Variants in KIF26B observed in about 807,000 individuals in gnomAD.
The protein encoded by KIF26B is kinesin-like protein KIF26B.
KIF26B carries 63 observed loss-of-function variants against 151.2 expected under a neutral mutation model. The ratio of observed to expected loss-of-function variants is 0.42; its 90% CI spans 0.34 to 0.51. The LOEUF (loss-of-function observed/expected upper bound fraction) is 0.51. Ranked by LOEUF, KIF26B falls within the 20% of genes least tolerant of loss-of-function variation. The pLI is 0.07. For missense variants in KIF26B, 2,813 were observed against 2,913.6 expected (o/e 0.97, Z 0.79); for synonymous variants, 1,357 against 1,262.1 (o/e 1.08, Z -1.59).
Position 245,440,188 on chromosome 1 carries a change from A to T in KIF26B, c.1166+20443A>T, listed in dbSNP as rs528514722. 1.3e-3 allele frequency among the ~76,000 whole-genome samples: 202 copies of T among 151,994 alleles called. 1 individual carries two copies. The highest frequency in any genetic ancestry group is 3.4e-3 in the Middle Eastern group (1 of 294). On this transcript the variant is annotated intron_variant, in intron 4 of 14. Coordinates refer to ENST00000407071, the MANE Select transcript of KIF26B (RefSeq NM_018012.4). ...GTGAGCCGAGATCGTGCCACTGCAC[A>T]CCAGCCTGGGCGACAGAGCCAGACT...
chr1:245,190,639 GTT>G (rs56019423), intron 2 of KIF26B, among the ~76,000 whole-genome samples: 1 of 140,118 alleles, frequency 7.1e-6, no homozygotes. Flanking sequence ...GTTTTGTTTT[GTT>G]TTTTTTTTTT....
chr1:245,459,311 C>G (rs1659601203), intron 4 of KIF26B, among the ~76,000 whole-genome samples: 2 of 152,216 alleles, frequency 1.3e-5, no homozygotes, highest in South Asian at 4.1e-4. Context: ...ACTACTGTTT[C>G]TGGTAGGTCC....
At chr1:245,215,432 G>C (rs912977792) in intron 2 of KIF26B, among the ~76,000 whole-genome samples, 2 of 152,108 alleles carry the variant, frequency 1.3e-5, no homozygotes, top group East Asian at 1.9e-4. Context: ...CTGAGACCAG[G>C]GAGGCCACAG....
intron 9 of KIF26B, among the ~76,000 whole-genome samples, chr1:245,627,328 T>C (rs2043734023): frequency 6.6e-6 from 1 of 152,186 alleles, no homozygotes; most frequent in South Asian, 2.1e-4. Flanking sequence ...CAATGTTAAC[T>C]TGAACTCAGG....
At chr1:245,402,340 T>G (rs924445590) in intron 3 of KIF26B, among the ~76,000 whole-genome samples, 1 of 152,228 alleles carries the variant, frequency 6.6e-6, no homozygotes, top group Non-Finnish European at 1.5e-5. Flanking sequence ...TGCCTTCATC[T>G]GAGTCCCTCC....
chr1:245,375,108 A>G lies in KIF26B; in HGVS notation c.999+7741A>G, dbSNP rs1384113135. Among the ~76,000 whole-genome samples, 5 of 151,994 alleles carry G rather than the reference A, an allele frequency of 3.3e-5. No individual in the cohort carries two copies. Among genetic ancestry groups the G allele is most frequent in the Non-Finnish European group, 5.9e-5 (4 of 68,008 alleles). On this transcript the variant is annotated intron_variant, in intron 3 of 14. Coordinates refer to ENST00000407071, the MANE Select transcript of KIF26B (RefSeq NM_018012.4). The surrounding 1 kb of genome is among the most constrained non-coding windows in gnomAD (Gnocchi z 4.2). ...TTTAATTTTATTATTATTTTTTGAG[A>G]CGGCGTCTCACTCTGCCACCCAGGC... is the stretch of plus-strand genomic sequence containing the variant.
intron 2 of KIF26B, among the ~76,000 whole-genome samples, chr1:245,357,230 A>C (rs1042802155): frequency 6.6e-6 from 1 of 152,206 alleles, no homozygotes; most frequent in Admixed American, 6.5e-5. Flanking sequence ...CAGATTTAAG[A>C]TTGAAAAGGA....
At chr1:245,164,021 G>A (rs1668574475) in intron 2 of KIF26B, among the ~76,000 whole-genome samples, 1 of 152,070 alleles carries the variant, frequency 6.6e-6, no homozygotes, top group African/African-American at 2.4e-5. Flanking sequence ...CTGACACAAT[G>A]TTACATAATA....
intron 4 of KIF26B, among the ~76,000 whole-genome samples, chr1:245,444,922 C>A (rs968128037): frequency 1.3e-5 from 2 of 152,110 alleles, no homozygotes; most frequent in African/African-American, 4.8e-5. Flanking sequence ...AGCGTATAAA[C>A]CCATAGCAGC....
chr1:245,168,618 T>C (rs1036690161), intron 2 of KIF26B, among the ~76,000 whole-genome samples: 2 of 152,254 alleles, frequency 1.3e-5, no homozygotes, highest in Non-Finnish European at 2.9e-5. Flanking sequence ...TGAGTAGCAG[T>C]ATAGGAACAC....
In KIF26B at chr1:245,564,262, G is replaced by A. The variant is rs541893046; in HGVS notation, c.1350+23312G>A. Among the ~76,000 whole-genome samples, 1 of 152,226 alleles carries A rather than the reference G, an allele frequency of 6.6e-6. No individual in the cohort carries two copies. Among genetic ancestry groups the A allele is most frequent in the Non-Finnish European group, 1.5e-5 (1 of 68,008 alleles). On this transcript the variant is annotated intron_variant, in intron 5 of 14. Coordinates refer to ENST00000407071, the MANE Select transcript of KIF26B (RefSeq NM_018012.4). This position sits in a 1 kb window ranked among gnomAD's most constrained non-coding sequence, Gnocchi z 4.6. ...CCCCCCATTTTCTGCGATACACACT[G>A]TCACTTTCCCTGGGAACAGATTCGA...
At chr1:245,658,742 ATTC>A (rs1479272882) in intron 10 of KIF26B, among the ~76,000 whole-genome samples, 1 of 152,070 alleles carries the variant, frequency 6.6e-6, no homozygotes, top group African/African-American at 2.4e-5. Context: ...CTTCCTACTT[ATTC>A]TTTGAGGCTT....
intron 9 of KIF26B, among the ~76,000 whole-genome samples, chr1:245,637,449 C>T (rs2043847879): frequency 6.6e-6 from 1 of 151,990 alleles, no homozygotes; most frequent in South Asian, 2.1e-4. Flanking sequence ...AATATTTTCT[C>T]CCATTCCATA....
At chr1:245,666,726 CTTGTCCGTACCAAATGGTACGGACAAG>C (rs1254177535) in intron 10 of KIF26B, among the ~76,000 whole-genome samples, 1 of 152,004 alleles carries the variant, frequency 6.6e-6, no homozygotes, top group African/African-American at 2.4e-5. Flanking sequence ...AGGTATTTAA[CTTGTCCGTACCAAATGGTACGGACAAG>C]TTAAAAGGGT....
chr1:245,157,795 C>A (rs1410091816), intron 2 of KIF26B, among the ~76,000 whole-genome samples: 2 of 152,216 alleles, frequency 1.3e-5, no homozygotes, highest in African/African-American at 4.8e-5. Context: ...GGATACATCT[C>A]AAGGAATCAA....
intron 2 of KIF26B, among the ~76,000 whole-genome samples, chr1:245,196,119 C>G (rs1669190283): frequency 6.6e-6 from 1 of 152,134 alleles, no homozygotes; most frequent in African/African-American, 2.4e-5. Context: ...GTGACAGATC[C>G]AAGGACACAA....
intron 2 of KIF26B, among the ~76,000 whole-genome samples, chr1:245,359,671 C>T (rs1672773322): frequency 6.7e-6 from 1 of 149,860 alleles, no homozygotes; most frequent in South Asian, 2.1e-4. Flanking sequence ...TCCTTCCCTC[C>T]TTTCCTTACT....
Position 245,287,494 on chromosome 1 carries a change from C to CTTTTTTTTT in KIF26B, c.466-79339_466-79338insTTTTTTTTT, listed in dbSNP as rs1157634485. Among the ~76,000 whole-genome samples, 8 of 113,172 alleles carry CTTTTTTTTT rather than the reference C, an allele frequency of 7.1e-5. 1 individual carries two copies. The highest frequency in any genetic ancestry group is 6.8e-5 in the Non-Finnish European group (4 of 58,474). The allele number at this position is 113,172 out of a possible 152,430, so 74.2% of individuals were successfully genotyped here. Reference sequence around the variant, plus strand: ...GGGTCCCTGTGTGTCTCATCTCTCTCTCTCTTTTTTTTTTTTTTTTTTTCC... The same window carrying CTTTTTTTTT: ...GGGTCCCTGTGTGTCTCATCTCTCTCTTTTTTTTTTCTCTTTTTTTTTTTTTTTTTTTCC... On this transcript the variant is annotated intron_variant, in intron 2 of 14. Transcript: ENST00000407071.
intron 2 of KIF26B, among the ~76,000 whole-genome samples, chr1:245,261,100 T>G (rs1670628767): frequency 1.4e-5 from 2 of 147,142 alleles, no homozygotes; most frequent in Admixed American, 1.4e-4. Context: ...GCTTCCTTCC[T>G]TCCTTCCTTC....
Sources: allele counts gnomAD v4.1 joint callset (sites outside exome capture counted in the v4.1 genomes callset), GRCh38; gene constraint gnomAD v4.1.1; non-coding constraint Gnocchi (gnomAD v3.1); transcripts MANE v1.5; gene names NCBI Gene and HGNC (gene_info 2026-07-23, HGNC 2026-07-21).